Variants in RBFOX1 observed in about 807,000 individuals in gnomAD.
RBFOX1 encodes the protein RNA binding protein fox-1 homolog 1.
A neutral mutation model predicts 57.7 loss-of-function variants in RBFOX1; 8 were observed. The observed-to-expected ratio is 0.14, with a 90% CI of 0.08 to 0.25. The LOEUF is 0.25. RBFOX1 is among the 10% of genes least tolerant of loss of function. The probability of loss-of-function intolerance (pLI) is 1.00; values close to 1 mark genes in which losing one functional copy is unlikely to be tolerated. For synonymous variants in RBFOX1, 326 were observed against 222.4 expected (o/e 1.47, Z -4.15); for missense variants, 611 against 548.5 (o/e 1.11, Z -1.14).
At chr16:7,364,221 G>C (rs2097390420) in intron 4 of RBFOX1, among the ~76,000 whole-genome samples, 1 of 152,124 alleles carries the variant, frequency 6.6e-6, no homozygotes, top group Non-Finnish European at 1.5e-5. Context: ...GGATGTGCCG[G>C]GCTAGCGGCT....
chr16:6,255,422 G>T (rs2097654542), intron 1 of RBFOX1, among the ~76,000 whole-genome samples: 1 of 152,184 alleles, frequency 6.6e-6, no homozygotes, highest in African/African-American at 2.4e-5. Context: ...GACAGGAGGA[G>T]AGTGGAGGAA....
At chr16:6,880,254 C>G in intron 3 of RBFOX1, among the ~76,000 whole-genome samples, 1 of 152,086 alleles carries the variant, frequency 6.6e-6, no homozygotes. Context: ...AGGGAAAGAG[C>G]AGAGTTAACC....
At chr16:6,361,415 G>A (rs1230186358) in intron 2 of RBFOX1, among the ~76,000 whole-genome samples, 1 of 152,054 alleles carries the variant, frequency 6.6e-6, no homozygotes, top group Non-Finnish European at 1.5e-5. Context: ...GGATCACAAG[G>A]TCAGGAGTTC....
chr16:7,007,366 G>A lies in RBFOX1; in HGVS notation c.-15-44691G>A, dbSNP rs536187467. Among the ~76,000 whole-genome samples the A allele has an allele frequency of 2.6e-5, 4 of 152,272 alleles. No individual in the cohort carries two copies. The South Asian group carries it at 8.3e-4, about 32-fold the overall frequency. On this transcript the variant is annotated intron_variant, in intron 3 of 15. Transcript: ENST00000550418. ...CTGCCATATGTACCTCATTGCAGCT[G>A]GAGAAAGTCTTGTGTTTTAAAGTGC...
chr16:5,873,164 A>AAACAAC (rs57510700), intron 4 of RBFOX1, among the ~76,000 whole-genome samples: 87 of 151,518 alleles, frequency 5.7e-4, no homozygotes, highest in African/African-American at 1.1e-3. Context: ...ACAAAGAAAC[A>AAACAAC]AACAACAACA....
At chr16:7,234,917 T>G (rs1280490796) in intron 4 of RBFOX1, among the ~76,000 whole-genome samples, 2 of 152,108 alleles carry the variant, frequency 1.3e-5, no homozygotes, top group African/African-American at 4.8e-5. Context: ...CAATTCCATT[T>G]TCAGAGACTT....
chr16:6,029,788 A>AT (rs1372229384), intron 1 of RBFOX1, among the ~76,000 whole-genome samples: 1 of 151,822 alleles, frequency 6.6e-6, no homozygotes, highest in African/African-American at 2.4e-5. Flanking sequence ...AAAAAAAAAA[A>AT]AAAGGGGAAA....
At chr16:7,702,921 G>A (rs1302031780) in intron 14 of RBFOX1, among the ~76,000 whole-genome samples, 2 of 152,216 alleles carry the variant, frequency 1.3e-5, no homozygotes, top group African/African-American at 2.4e-5. Context: ...AGTGGGATGA[G>A]AATCACTTCT....
chr16:6,656,389 C>G (rs890331326), intron 3 of RBFOX1, among the ~76,000 whole-genome samples: 3 of 152,130 alleles, frequency 2.0e-5, no homozygotes, highest in African/African-American at 4.8e-5. Context: ...CCATCACGCA[C>G]AAGGTAAATA....
At chr16:6,374,539 A>T (rs1479743225) in intron 2 of RBFOX1, among the ~76,000 whole-genome samples, 1 of 152,030 alleles carries the variant, frequency 6.6e-6, no homozygotes, top group African/African-American at 2.4e-5. Flanking sequence ...TTTAGAGAAA[A>T]TTTTCGTAAT....
intron 2 of RBFOX1, among the ~76,000 whole-genome samples, chr16:6,449,939 A>T (rs771824124): frequency 1.4e-4 from 22 of 152,194 alleles, no homozygotes; most frequent in Non-Finnish European, 2.4e-4. Flanking sequence ...TTCATGCTGG[A>T]TGATGCCAGG....
At chr16:7,367,613 G>C (rs886707992) in intron 4 of RBFOX1, among the ~76,000 whole-genome samples, 6 of 152,256 alleles carry the variant, frequency 3.9e-5, no homozygotes, top group African/African-American at 1.2e-4. Flanking sequence ...AGACTCTGAT[G>C]CTCACAACAT....
intron 4 of RBFOX1, among the ~76,000 whole-genome samples, chr16:5,881,016 C>T (rs1308546944): frequency 6.6e-6 from 1 of 152,158 alleles, no homozygotes; most frequent in Non-Finnish European, 1.5e-5. Flanking sequence ...GACAAAGTCA[C>T]AGGTACTTGT....
rs1164130186 is a variant in RBFOX1, at chr16:7,417,397, A to G, written c.28-100750A>G. On this transcript the variant is annotated intron_variant, in intron 4 of 15. Transcript: ENST00000550418. ...CAAAGAAAAAAAAAAAAAAGAGATG[A>G]CCCCATATCCTGTTCCCCCAGTTTC... Among the ~76,000 whole-genome samples, 4 of 144,120 alleles carry G rather than the reference A, an allele frequency of 2.8e-5. No individual in the cohort carries two copies. The East Asian group carries it at 8.8e-4, about 32-fold the overall frequency. 94.5% of individuals were successfully genotyped at this position (144,120 alleles called of 152,430 possible).
chr16:6,753,877 C>T lies in RBFOX1; in HGVS notation c.-16+99227C>T, dbSNP rs118015258. On this transcript the variant is annotated intron_variant, in intron 3 of 15. Coordinates refer to ENST00000550418, the MANE Select transcript of RBFOX1 (RefSeq NM_018723.4). ...CTGAGTTTTATGGTTGATGTGCTCTCGGTCATTTGTCATAAAATCATTCCC... is the reference window on the plus strand; with the variant it reads ...CTGAGTTTTATGGTTGATGTGCTCTTGGTCATTTGTCATAAAATCATTCCC... 5.2e-4 allele frequency among the ~76,000 whole-genome samples: 79 copies of T among 152,152 alleles called. 1 individual carries two copies. The East Asian group carries it at 0.015, about 28-fold the overall frequency.
chr16:6,813,346 T>A (rs185547078), intron 3 of RBFOX1, among the ~76,000 whole-genome samples: 220 of 152,310 alleles, frequency 1.4e-3, no homozygotes, highest in African/African-American at 5.1e-3. Flanking sequence ...TTCATGTAAC[T>A]GCCTTCAGAA....
chr16:7,336,689 G>A (rs1324162573), intron 4 of RBFOX1, among the ~76,000 whole-genome samples: 1 of 152,214 alleles, frequency 6.6e-6, no homozygotes, highest in East Asian at 1.9e-4. Flanking sequence ...GCCAGGCTCT[G>A]TGCTAAACAC....
At chr16:7,294,863 A>G (rs1568077497) in intron 4 of RBFOX1, among the ~76,000 whole-genome samples, 1 of 152,114 alleles carries the variant, frequency 6.6e-6, no homozygotes, top group South Asian at 2.1e-4. Context: ...TAAAAAGGAT[A>G]CTTTCTCATT....
At chr16:6,549,636 G>T (rs142338112) in intron 2 of RBFOX1, among the ~76,000 whole-genome samples, 1 of 151,954 alleles carries the variant, frequency 6.6e-6, no homozygotes, top group East Asian at 2.0e-4. Flanking sequence ...GCTTTGATTG[G>T]CTAATTTGAG....
Sources: allele counts gnomAD v4.1 joint callset (sites outside exome capture counted in the v4.1 genomes callset), GRCh38; gene constraint gnomAD v4.1.1; transcripts MANE v1.5; gene names NCBI Gene and HGNC (gene_info 2026-07-23, HGNC 2026-07-21).